Variants in BRIP1 observed in about 807,000 individuals in gnomAD.
BRIP1 encodes the protein BRCA1 interacting DNA helicase 1.
In BRIP1, 88 loss-of-function variants were observed where a neutral mutation model predicts 119.7. That is an observed-to-expected ratio of 0.74 (90% CI 0.62 to 0.88). The LOEUF (loss-of-function observed/expected upper bound fraction) is 0.88, where lower values mean the gene tolerates loss of function less well. Ranked by LOEUF, BRIP1 falls within the 40% of genes least tolerant of loss-of-function variation. The pLI is 0.00. For missense variants in BRIP1, 1,259 were observed against 1,455.4 expected (o/e 0.87, Z 2.20); for synonymous variants, 443 against 496.5 (o/e 0.89, Z 1.43).
chr17:61,838,574 T>C (rs1306688106), intron 6 of BRIP1, among the ~76,000 whole-genome samples: 2 of 150,140 alleles, frequency 1.3e-5, no homozygotes, highest in Non-Finnish European at 3.0e-5. Context: ...AATAAATAAA[T>C]AAATAAATAA....
Position 61,755,096 on chromosome 17 carries a change from A to T in BRIP1, c.2098-10505T>A, listed in dbSNP as rs1233785343. ...TTTTTGTCTGTTTTACTTACTGCTG[A>T]TTGCCCAGTGCATAGAACAGTACCT... is the stretch of plus-strand genomic sequence containing the variant. On this transcript the variant is annotated intron_variant, in intron 14 of 19. Coordinates refer to ENST00000259008, the MANE Select transcript of BRIP1 (RefSeq NM_032043.3). This position sits in a 1 kb window ranked among gnomAD's most constrained non-coding sequence, Gnocchi z 4.5. Among the ~76,000 whole-genome samples the T allele has an allele frequency of 6.6e-6, 1 of 152,232 alleles. No individual in the cohort carries two copies.
At position 61,775,921 on chromosome 17, in the gene BRIP1, T is replaced by C. The variant is rs144691107; in HGVS notation, c.2097+480A>G. The C allele has an allele frequency of 7.0e-4, 118 of 169,502 alleles. No homozygotes were observed. The highest frequency in any genetic ancestry group is 2.7e-3 in the African/African-American group (114 of 41,802). 10.5% of individuals were successfully genotyped at this position (169,502 alleles called of 1,614,324 possible). On this transcript the variant is annotated intron_variant, in intron 14 of 19. Transcript: ENST00000259008. This position sits in a 1 kb window ranked among gnomAD's most constrained non-coding sequence, Gnocchi z 4.4. ...TTATTTTAGAGAGAGTCTTATTCTGTTGCCCACGCTGGAGTGCAGGGGTGC... is the reference window on the plus strand; with the variant it reads ...TTATTTTAGAGAGAGTCTTATTCTGCTGCCCACGCTGGAGTGCAGGGGTGC...
rs967521537 is a variant in BRIP1, at chr17:61,848,049, T to G, written c.508-829A>C. On this transcript the variant is annotated intron_variant, in intron 5 of 19. Transcript: ENST00000259008. The surrounding 1 kb of genome is among the most constrained non-coding windows in gnomAD (Gnocchi z 4.3). ...AAAAACAAGGCTGAATTATAGAAAT[T>G]TATAAAGACTGTAAGTGGAACAGTT... 2.0e-5 allele frequency among the ~76,000 whole-genome samples: 3 copies of G among 152,168 alleles called. No homozygotes were observed. Among genetic ancestry groups the G allele is most frequent in the African/African-American group, 7.2e-5 (3 of 41,452 alleles).
intron 13 of BRIP1, among the ~76,000 whole-genome samples, chr17:61,779,554 A>C (rs1352665624): frequency 6.6e-6 from 1 of 152,248 alleles, no homozygotes; most frequent in Non-Finnish European, 1.5e-5. Flanking sequence ...CAGGAGGCGA[A>C]GGCTGCAGTG....
rs1428420099 is a variant in BRIP1, at chr17:61,822,514, T to C, written c.628-13757A>G. 6.6e-6 allele frequency among the ~76,000 whole-genome samples: 1 copy of C among 152,084 alleles called. No individual in the cohort carries two copies. Among genetic ancestry groups the C allele is most frequent in the Non-Finnish European group, 1.5e-5 (1 of 68,006 alleles). On this transcript the variant is annotated intron_variant, in intron 6 of 19. Transcript: ENST00000259008. This position sits in a 1 kb window ranked among gnomAD's most constrained non-coding sequence, Gnocchi z 4.4. ...AAAGGGAACTGGACAGACTATCCAGTAAGGCCAGTCAAATCAATCATACAG... is the reference window on the plus strand; with the variant it reads ...AAAGGGAACTGGACAGACTATCCAGCAAGGCCAGTCAAATCAATCATACAG...
At chr17:61,764,960 T>A (rs2077330157) in intron 14 of BRIP1, among the ~76,000 whole-genome samples, 1 of 151,996 alleles carries the variant, frequency 6.6e-6, no homozygotes, top group African/African-American at 2.4e-5. Flanking sequence ...TAAGAGACCA[T>A]TAGGCCAGAA....
Position 61,848,905 on chromosome 17 carries a change from A to C in BRIP1, c.507+224T>G, listed in dbSNP as rs538449785. Reference sequence around the variant, plus strand: ...TACTATCAAATTCCTCATATATAAGAAACACCATGCAGTTTCACTTGAACG... The same window carrying C: ...TACTATCAAATTCCTCATATATAAGCAACACCATGCAGTTTCACTTGAACG... On this transcript the variant is annotated intron_variant, in intron 5 of 19. Transcript: ENST00000259008. This position sits in a 1 kb window ranked among gnomAD's most constrained non-coding sequence, Gnocchi z 4.3. Among the ~76,000 whole-genome samples, 15 of 152,314 alleles carry C rather than the reference A, an allele frequency of 9.8e-5. No individual in the cohort carries two copies. The highest frequency in any genetic ancestry group is 3.6e-4 in the African/African-American group (15 of 41,576).
Position 61,818,700 on chromosome 17 carries a change from C to T in BRIP1, c.628-9943G>A, listed in dbSNP as rs143557153. ...ATCTCCTGCATGATCTTTCTTTTAGCGGGTTTCTATTTCTTAAAAAGCAGA... is the reference window on the plus strand; with the variant it reads ...ATCTCCTGCATGATCTTTCTTTTAGTGGGTTTCTATTTCTTAAAAAGCAGA... On this transcript the variant is annotated intron_variant, in intron 6 of 19. Coordinates refer to ENST00000259008, the MANE Select transcript of BRIP1 (RefSeq NM_032043.3). Among the ~76,000 whole-genome samples the T allele has an allele frequency of 6.4e-4, 97 of 152,122 alleles. 1 individual carries two copies. In the East Asian group the frequency reaches 0.018, roughly 29 times the overall value.
chr17:61,681,503 T>A lies in BRIP1; in HGVS notation c.*1793A>T, dbSNP rs190169023. 2.9e-4 allele frequency: 60 copies of A among 208,464 alleles called. No individual in the cohort carries two copies. In the East Asian group the frequency reaches 4.4e-3, roughly 15 times the overall value. 12.9% of individuals were successfully genotyped at this position (208,464 alleles called of 1,614,324 possible). A position where few individuals can be genotyped will look rare whatever the true frequency, so the allele number is the denominator to read the frequency against. On this transcript the variant is annotated 3_prime_UTR_variant, in exon 20 of 20. Transcript: ENST00000259008. This position sits in a 1 kb window ranked among gnomAD's most constrained non-coding sequence, Gnocchi z 5.1. ...GGCAGAGCCAGGTGTAGAGCCCAAGTCTCTTGTCTTCTACCAGGTATTTAT... is the reference window on the plus strand; with the variant it reads ...GGCAGAGCCAGGTGTAGAGCCCAAGACTCTTGTCTTCTACCAGGTATTTAT...
Position 61,803,474 on chromosome 17 carries a change from C to T in BRIP1, c.919-2000G>A, listed in dbSNP as rs1022534705. ...TCCCAACATTTTGAGAGGCCAAGGC[C>T]GGAGGACTGCATGAGCCTAGGAGTT... On this transcript the variant is annotated intron_variant, in intron 7 of 19. Transcript: ENST00000259008. This position sits in a 1 kb window ranked among gnomAD's most constrained non-coding sequence, Gnocchi z 4.3. Among the ~76,000 whole-genome samples the T allele has an allele frequency of 3.3e-5, 5 of 151,786 alleles. No individual in the cohort carries two copies. Among genetic ancestry groups the T allele is most frequent in the Admixed American group, 2.0e-4 (3 of 15,238 alleles).
chr17:61,786,867 GTATTAATA>G (rs1318717323), intron 10 of BRIP1, among the ~76,000 whole-genome samples: 2 of 114,894 alleles, frequency 1.7e-5, no homozygotes, highest in Non-Finnish European at 1.7e-5. Context: ...ATTCATATAT[GTATTAATA>G]TATTAATATA....
rs1023214925 is a variant in BRIP1 at position 61,848,609 on chromosome 17, T to C, written c.507+520A>G. On this transcript the variant is annotated intron_variant, in intron 5 of 19. Transcript: ENST00000259008. This position sits in a 1 kb window ranked among gnomAD's most constrained non-coding sequence, Gnocchi z 4.3. ...TGAGAAAATATTGTGTTCATCTGCA[T>C]CCAAATTTCATTTAAAATATCTGGT... Among the ~76,000 whole-genome samples, 26 of 152,228 alleles carry C rather than the reference T, an allele frequency of 1.7e-4. No homozygotes were observed. The highest frequency in any genetic ancestry group is 2.5e-4 in the Non-Finnish European group (17 of 68,042).
Position 61,823,775 on chromosome 17 carries a change from C to CAT in BRIP1, c.628-15019_628-15018insAT, listed in dbSNP as rs1351034614. Among the ~76,000 whole-genome samples the CAT allele has an allele frequency of 2.6e-5, 4 of 151,786 alleles. No individual in the cohort carries two copies. Among genetic ancestry groups the CAT allele is most frequent in the African/African-American group, 9.7e-5 (4 of 41,416 alleles). The stretch of plus-strand genomic sequence containing the variant: ...CACAATAAACACACACACACACACA[C>CAT]ACACACACACACACACACACACCTT... On this transcript the variant is annotated intron_variant, in intron 6 of 19. Coordinates refer to ENST00000259008, the MANE Select transcript of BRIP1 (RefSeq NM_032043.3). The surrounding 1 kb of genome is among the most constrained non-coding windows in gnomAD (Gnocchi z 4.8).
chr17:61,697,017 G>A (rs1426402902), intron 17 of BRIP1, among the ~76,000 whole-genome samples: 1 of 142,004 alleles, frequency 7.0e-6, no homozygotes, highest in African/African-American at 2.6e-5. Context: ...GGGGGGAAGT[G>A]TTTTGATGAC....
chr17:61,826,149 G>GA (rs1451546638), intron 6 of BRIP1, among the ~76,000 whole-genome samples: 1 of 152,184 alleles, frequency 6.6e-6, no homozygotes, highest in Non-Finnish European at 1.5e-5. Flanking sequence ...AAGCAATGGG[G>GA]AAAGGATTCC....
rs1454322623 is a variant in BRIP1 at position 61,795,482 on chromosome 17, C to A, written c.1341-1753G>T. Among the ~76,000 whole-genome samples the A allele has an allele frequency of 6.6e-6, 1 of 152,046 alleles. No individual in the cohort carries two copies. The highest frequency in any genetic ancestry group is 2.1e-4 in the South Asian group (1 of 4,832). The stretch of plus-strand genomic sequence containing the variant: ...AAATTGTTTTCATTTTTAGATCCCA[C>A]AAATAAGTGAGAATATGTGATATTT... On this transcript the variant is annotated intron_variant, in intron 9 of 19. Transcript: ENST00000259008. This position sits in a 1 kb window ranked among gnomAD's most constrained non-coding sequence, Gnocchi z 5.6.
At chr17:61,850,677 A>T (rs1453476566) in intron 4 of BRIP1, among the ~76,000 whole-genome samples, 1 of 151,512 alleles carries the variant, frequency 6.6e-6, no homozygotes, top group Non-Finnish European at 1.5e-5. Context: ...AAAATACGAA[A>T]ATTAGCTGTG....
chr17:61,693,388 GA>G lies in BRIP1; in HGVS notation c.2575+41del, dbSNP rs2061475849. 6.6e-7 allele frequency: 1 copy of G among 1,505,608 alleles called. No individual in the cohort carries two copies. 93.3% of individuals were successfully genotyped at this position (1,505,608 alleles called of 1,614,324 possible). On this transcript the variant is annotated intron_variant, in intron 18 of 19. Transcript: ENST00000259008. The surrounding 1 kb of genome is among the most constrained non-coding windows in gnomAD (Gnocchi z 4.2). ...TTTTTCACCACAATAAAAATATGAA[GA>G]TTGTTACTAGTTTTTACTCTAAGCC...
rs1341686964 is a variant in BRIP1 at position 61,793,560 on chromosome 17, C to G, written c.1473+37G>C. ...AGTCACGACTAAATCACTTCTAATT[C>G]ACTAAATACGTTTCACAGGTAGAAA... On this transcript the variant is annotated intron_variant, in intron 10 of 19. Transcript: ENST00000259008. The surrounding 1 kb of genome is among the most constrained non-coding windows in gnomAD (Gnocchi z 5.2). 6.3e-7 allele frequency: 1 copy of G among 1,577,176 alleles called. No homozygotes were observed. The highest frequency in any genetic ancestry group is 8.6e-7 in the Non-Finnish European group (1 of 1,156,214).
Sources: gnomAD v4.1 joint callset for allele counts (sites outside exome capture counted in the v4.1 genomes callset) on GRCh38, gnomAD v4.1.1 for gene constraint, Gnocchi (gnomAD v3.1) non-coding constraint, MANE v1.5 for transcripts, NCBI Gene and HGNC (gene_info 2026-07-23, HGNC 2026-07-21) for gene names.